The following ANK2 variants were observed in gnomAD, a reference collection of about 807,000 sequenced individuals.
ANK2 encodes the protein ankyrin 2, also known as ankyrin-2.
Under a neutral mutation model 360.5 loss-of-function variants are expected in ANK2, and 83 were observed. The observed-to-expected ratio is 0.23, with a 90% CI of 0.19 to 0.28. The LOEUF (loss-of-function observed/expected upper bound fraction) is 0.28. Ranked by LOEUF, ANK2 falls within the 10% of genes least tolerant of loss-of-function variation. The pLI, the probability that ANK2 is intolerant of heterozygous loss-of-function variation, is 1.00. For missense variants in ANK2, 4,201 were observed against 4,795.7 expected, an observed-to-expected ratio of 0.88 and a Z score of 3.66; for synonymous variants, 1,740 against 1,759.5, an observed-to-expected ratio of 0.99 and a Z score of 0.28.
At chr4:112,935,259 T>G (rs77583732) in intron 2 of ANK2, among the ~76,000 whole-genome samples, 3,739 of 152,312 alleles carry the variant, frequency 0.025, 74 homozygotes, top group South Asian at 0.064. Flanking sequence ...TGATCCAAAC[T>G]GTATTTTAAA....
At chr4:112,824,141 A>ATCTG (rs2057838665) in intron 1 of ANK2, among the ~76,000 whole-genome samples, 1 of 41,412 alleles carries the variant, frequency 2.4e-5, no homozygotes, top group Admixed American at 1.8e-4. Flanking sequence ...TTCAGCATCT[A>ATCTG]TCTATCTATC....
intron 20 of ANK2, among the ~76,000 whole-genome samples, chr4:113,290,635 AAAAC>A (rs754084475): frequency 8.5e-5 from 13 of 152,194 alleles, no homozygotes; most frequent in Admixed American, 2.0e-4. Flanking sequence ...TTCAATTAGA[AAAAC>A]AAACAAACAA....
At chr4:112,958,668 A>T (rs1302488428) in intron 2 of ANK2, among the ~76,000 whole-genome samples, 1 of 152,076 alleles carries the variant, frequency 6.6e-6, no homozygotes, top group Admixed American at 6.5e-5. Context: ...TGTTTTAAAG[A>T]TTTAATACTG....
chr4:113,073,273 G>C (rs775863286), intron 1 of ANK2, among the ~76,000 whole-genome samples: 5 of 151,986 alleles, frequency 3.3e-5, no homozygotes, highest in Admixed American at 1.3e-4. Flanking sequence ...AGTGTCTTTT[G>C]ATTCTTGGAG....
chr4:113,020,111 A>G (rs1383130731), intron 2 of ANK2, among the ~76,000 whole-genome samples: 1 of 152,154 alleles, frequency 6.6e-6, no homozygotes, highest in African/African-American at 2.4e-5. Flanking sequence ...AATTTTCACT[A>G]TTTTTTAATG....
At chr4:113,330,535 C>G (rs1296317182) in intron 27 of ANK2, 65 bp downstream of exon 27, 1 of 1,527,386 alleles carries the variant, frequency 6.5e-7, no homozygotes, top group East Asian at 2.3e-5. Flanking sequence ...CATGAAATCA[C>G]TAGGATGGAA....
At chr4:112,945,854 A>G (rs2094512468) in intron 2 of ANK2, among the ~76,000 whole-genome samples, 2 of 152,178 alleles carry the variant, frequency 1.3e-5, no homozygotes, top group South Asian at 4.1e-4. Context: ...AGCCTTGCCT[A>G]GAACCCATGT....
At chr4:113,180,380 G>C (rs1209393037) in intron 2 of ANK2, among the ~76,000 whole-genome samples, 2 of 152,188 alleles carry the variant, frequency 1.3e-5, no homozygotes, top group Non-Finnish European at 2.9e-5. Flanking sequence ...ATGCTTGGCA[G>C]AGCAAGTACT....
intron 1 of ANK2, among the ~76,000 whole-genome samples, chr4:113,063,815 CTT>C (rs2074515342): frequency 6.6e-6 from 1 of 151,946 alleles, no homozygotes; most frequent in African/African-American, 2.4e-5. Flanking sequence ...TTTTAGTAGA[CTT>C]TGTTTAAATT....
At chr4:113,065,654 T>G (rs1186944708) in intron 1 of ANK2, among the ~76,000 whole-genome samples, 5 of 152,080 alleles carry the variant, frequency 3.3e-5, no homozygotes, top group African/African-American at 7.2e-5. Flanking sequence ...AAACTAGCAA[T>G]GGGAGAGAGA....
chr4:113,330,148 G>A, intron 26 of ANK2, 98 bp from the exon 27 acceptor site: 1 of 1,196,044 alleles, frequency 8.4e-7, no homozygotes, highest in Non-Finnish European at 1.2e-6. Context: ...AAAAAAGAGA[G>A]ATTTTGAGAC....
chr4:113,079,653 C>T (rs79724595), intron 1 of ANK2, among the ~76,000 whole-genome samples: 2 of 152,042 alleles, frequency 1.3e-5, no homozygotes, highest in Non-Finnish European at 2.9e-5. Flanking sequence ...TTTTAAACTT[C>T]TTCGTTGATA....
chr4:113,359,354 G>GT (rs1377577859), intron 38 of ANK2, 55 bp downstream of exon 38: 160 of 1,603,142 alleles, frequency 1.0e-4, no homozygotes, highest in Middle Eastern at 1.8e-4. Flanking sequence ...AATTGATATA[G>GT]TTTTTTTGTA....
At chr4:112,966,485 T>C (rs1268044718) in intron 2 of ANK2, among the ~76,000 whole-genome samples, 1 of 152,018 alleles carries the variant, frequency 6.6e-6, no homozygotes, top group African/African-American at 2.4e-5. Context: ...ACATACTTTT[T>C]AAAAGCAATT....
intron 23 of ANK2, among the ~76,000 whole-genome samples, chr4:113,303,319 G>T (rs1195104603): frequency 6.6e-6 from 1 of 152,164 alleles, no homozygotes; most frequent in African/African-American, 2.4e-5. Flanking sequence ...CAGAGGAGAA[G>T]AGCCTTATAG....
Position 113,280,577 on chromosome 4 carries a change from A to G in ANK2, c.1881+2019A>G, listed in dbSNP as rs150852744. Among the ~76,000 whole-genome samples, 68 of 152,312 alleles carry G rather than the reference A, an allele frequency of 4.5e-4. 1 individual carries two copies. Among genetic ancestry groups the G allele is most frequent in the East Asian group, 3.9e-3 (20 of 5,180 alleles). The stretch of plus-strand genomic sequence containing the variant: ...ACTTTAGACTCTCTTTCTGCTCATT[A>G]TAATGTCTCCTCTCCTTAATACACA... On this transcript the variant is annotated intron_variant, in intron 17 of 45. Transcript: ENST00000357077.
At chr4:113,167,262 A>G (rs2097779844) in intron 1 of ANK2, among the ~76,000 whole-genome samples, 1 of 151,208 alleles carries the variant, frequency 6.6e-6, no homozygotes, top group Admixed American at 6.6e-5. Flanking sequence ...TAAATTTTTT[A>G]TAAAGATGGG....
chr4:112,893,228 T>C (rs74700273), intron 1 of ANK2, among the ~76,000 whole-genome samples: 1,690 of 152,242 alleles, frequency 0.011, 19 homozygotes, highest in African/African-American at 0.03. Flanking sequence ...GTGAATATTA[T>C]TATTATTCCC....
At chr4:113,314,785 T>A (rs923588633) in intron 24 of ANK2, among the ~76,000 whole-genome samples, 1 of 152,220 alleles carries the variant, frequency 6.6e-6, no homozygotes, top group African/African-American at 2.4e-5. Flanking sequence ...CCATCTTTAT[T>A]TCATTTAAGT....
Sources: gnomAD v4.1 joint callset for allele counts (sites outside exome capture counted in the v4.1 genomes callset) on GRCh38, gnomAD v4.1.1 for gene constraint, MANE v1.5 for transcripts, NCBI Gene and HGNC (gene_info 2026-07-23, HGNC 2026-07-21) for gene names.